Variants in RNF217 observed in about 807,000 individuals in gnomAD.
The protein encoded by RNF217 is E3 ubiquitin-protein ligase RNF217.
A neutral mutation model predicts 57.8 loss-of-function variants in RNF217; 31 were observed. The observed-to-expected ratio is 0.54, with a 90% CI of 0.40 to 0.72. RNF217 has a LOEUF of 0.72. RNF217 is among the 30% of genes least tolerant of loss of function. The pLI is 0.00. For synonymous variants in RNF217, 313 were observed against 294.0 expected (o/e 1.06, Z -0.66); for missense variants, 696 against 708.3 (o/e 0.98, Z 0.20).
At chr6:125,011,669 A>G (rs1399995060) in intron 1 of RNF217, among the ~76,000 whole-genome samples, 1 of 152,178 alleles carries the variant, frequency 6.6e-6, no homozygotes, top group African/African-American at 2.4e-5. Flanking sequence ...GAGAGCAAGG[A>G]GTGTCAGGTT....
chr6:125,000,597 A>C (rs939043408), intron 1 of RNF217, among the ~76,000 whole-genome samples: 5 of 152,094 alleles, frequency 3.3e-5, no homozygotes, highest in African/African-American at 1.2e-4. Flanking sequence ...CCTCACATTA[A>C]TCAGGTATTC....
intron 1 of RNF217, among the ~76,000 whole-genome samples, chr6:124,973,076 A>T (rs986790082): frequency 6.6e-6 from 1 of 152,236 alleles, no homozygotes; most frequent in Non-Finnish European, 1.5e-5. Context: ...TATCGTCAAT[A>T]TGTAAACTAT....
At chr6:125,021,082 T>G (rs1462449078) in intron 1 of RNF217, among the ~76,000 whole-genome samples, 1 of 152,158 alleles carries the variant, frequency 6.6e-6, no homozygotes, top group African/African-American at 2.4e-5. Context: ...TATTTTCAGT[T>G]CTGGGAATCT....
At chr6:125,082,680 AG>A in intron 5 of RNF217, 183 bp from the exon 6 acceptor site, 1 of 1,431,458 alleles carries the variant, frequency 7.0e-7, no homozygotes, top group Non-Finnish European at 9.5e-7. Flanking sequence ...AGGGTGCTAA[AG>A]GGGAGAAAAG....
rs1313947613 is a variant in RNF217 at position 125,058,125 on chromosome 6, G to A, written c.1281+19G>A. On this transcript the variant is annotated intron_variant, in intron 3 of 5. Transcript: ENST00000521654. ...GTGCAAGGTGAGATAACTTTTAGGA[G>A]GAAAAGAAAAAACATGTACATCTGG... The A allele has an allele frequency of 1.6e-5, 25 of 1,587,944 alleles. No homozygotes were observed. Among genetic ancestry groups the A allele is most frequent in the Middle Eastern group, 3.4e-4 (2 of 5,900 alleles).
intron 3 of RNF217, among the ~76,000 whole-genome samples, chr6:125,069,556 T>C (rs957217000): frequency 6.6e-6 from 1 of 152,226 alleles, no homozygotes; most frequent in Non-Finnish European, 1.5e-5. Flanking sequence ...AGTCCACTGT[T>C]GATGGGCACC....
chr6:124,992,507 A>ATC (rs1297969061), intron 1 of RNF217, among the ~76,000 whole-genome samples: 1 of 151,858 alleles, frequency 6.6e-6, no homozygotes, highest in African/African-American at 2.4e-5. Flanking sequence ...TTCTGCTAAC[A>ATC]TCTATAGCAA....
rs770588054 is a variant in RNF217 at position 125,085,100 on chromosome 6, G to A, written c.*2163G>A. 7 of 151,664 alleles carry A rather than the reference G, an allele frequency of 4.6e-5. No homozygotes were observed. Among genetic ancestry groups the A allele is most frequent in the Non-Finnish European group, 7.4e-5 (5 of 67,774 alleles). 9.4% of individuals were successfully genotyped at this position (151,664 alleles called of 1,614,324 possible). On this transcript the variant is annotated 3_prime_UTR_variant, in exon 6 of 6. Coordinates refer to ENST00000521654, the MANE Select transcript of RNF217 (RefSeq NM_001286398.3). ...ATATGCCATATACATATATACCAAC[G>A]GGCTGAATAACATACTCTTTTGTCT...
At chr6:124,982,075 T>C (rs547496309) in intron 1 of RNF217, among the ~76,000 whole-genome samples, 2 of 150,506 alleles carry the variant, frequency 1.3e-5, no homozygotes, top group African/African-American at 4.9e-5. Context: ...GGAATTTCCT[T>C]GTGGGCAAAT....
intron 3 of RNF217, among the ~76,000 whole-genome samples, chr6:125,062,395 A>C (rs1427650382): frequency 6.6e-6 from 1 of 151,910 alleles, no homozygotes; most frequent in Admixed American, 6.6e-5. Context: ...GAACATTAAA[A>C]TTTTTTTCCT....
chr6:125,079,376 A>T (rs1011931965), intron 4 of RNF217, among the ~76,000 whole-genome samples: 15 of 152,056 alleles, frequency 9.9e-5, no homozygotes, highest in African/African-American at 3.6e-4. Context: ...ATTGATTTCT[A>T]GATGGCAAAT....
intron 1 of RNF217, among the ~76,000 whole-genome samples, chr6:124,975,671 A>G (rs1783929081): frequency 6.6e-6 from 1 of 152,170 alleles, no homozygotes; most frequent in Non-Finnish European, 1.5e-5. Context: ...TCCTGGGCTC[A>G]AGCGATCTAA....
At chr6:125,013,018 T>G (rs1353646924) in intron 1 of RNF217, among the ~76,000 whole-genome samples, 1 of 152,192 alleles carries the variant, frequency 6.6e-6, no homozygotes, top group Non-Finnish European at 1.5e-5. Context: ...TCTATCTTGA[T>G]TCTTCTTCAA....
At chr6:125,018,022 A>G (rs967940014) in intron 1 of RNF217, among the ~76,000 whole-genome samples, 8 of 152,188 alleles carry the variant, frequency 5.3e-5, no homozygotes, top group African/African-American at 1.4e-4. Flanking sequence ...TAAAGTTTTT[A>G]TAAGTGTAAC....
chr6:125,009,587 T>C (rs1785342539), intron 1 of RNF217: 3 of 291,580 alleles, frequency 1.0e-5, no homozygotes, highest in Non-Finnish European at 1.9e-5. Flanking sequence ...TGCATTAGAA[T>C]TATAGGCTCT....
chr6:124,998,247 A>G (rs1784823973), intron 1 of RNF217, among the ~76,000 whole-genome samples: 1 of 151,852 alleles, frequency 6.6e-6, no homozygotes, highest in South Asian at 2.1e-4. Flanking sequence ...CTCCTATCCC[A>G]TGGATTCACC....
intron 1 of RNF217, among the ~76,000 whole-genome samples, chr6:125,023,868 A>G (rs1785956984): frequency 6.6e-6 from 1 of 152,164 alleles, no homozygotes; most frequent in South Asian, 2.1e-4. Context: ...TGGAATCTTA[A>G]AAAGTCAAAC....
chr6:125,007,353 C>T (rs1785228938), intron 1 of RNF217, among the ~76,000 whole-genome samples: 1 of 151,516 alleles, frequency 6.6e-6, no homozygotes, highest in Non-Finnish European at 1.5e-5. Context: ...TCAAGCGACT[C>T]TCCTGCCTCA....
At chr6:125,053,367 G>C (rs1220701453) in intron 2 of RNF217, among the ~76,000 whole-genome samples, 3 of 152,106 alleles carry the variant, frequency 2.0e-5, no homozygotes. Flanking sequence ...TGTTGGATGG[G>C]AAAATGAATT....
Sources: allele counts gnomAD v4.1 joint callset (sites outside exome capture counted in the v4.1 genomes callset), GRCh38; gene constraint gnomAD v4.1.1; transcripts MANE v1.5; gene names NCBI Gene and HGNC (gene_info 2026-07-23, HGNC 2026-07-21).